Variants in BIVM observed in about 807,000 individuals in gnomAD.
The protein encoded by BIVM is basic immunoglobulin-like variable motif-containing protein.
BIVM carries 31 observed loss-of-function variants against 61.4 expected under a neutral mutation model. The ratio of observed to expected loss-of-function variants is 0.51; its 90% CI spans 0.38 to 0.68. The LOEUF is 0.68. Among genes scored for constraint, BIVM ranks in the 30% least tolerant of loss-of-function variants. The pLI, the probability that BIVM is intolerant of heterozygous loss-of-function variation, is 0.00. For missense variants in BIVM, 526 were observed against 596.0 expected (o/e 0.88, Z 1.22); for synonymous variants, 189 against 210.7 (o/e 0.90, Z 0.89).
chr13:102,809,277 T>C (rs1486707986), intron 3 of BIVM, among the ~76,000 whole-genome samples: 1 of 152,254 alleles, frequency 6.6e-6, no homozygotes, highest in East Asian at 1.9e-4. Context: ...ATACATGTAT[T>C]ACTTAGATGT....
At chr13:102,835,001 A>G (rs1431153960) in intron 9 of BIVM, among the ~76,000 whole-genome samples, 6 of 152,170 alleles carry the variant, frequency 3.9e-5, no homozygotes, top group Admixed American at 1.3e-4. Flanking sequence ...TCTCTTGTCA[A>G]TGAAGCTCTT....
At chr13:102,802,425 T>A (rs927741486) in intron 1 of BIVM, among the ~76,000 whole-genome samples, 1 of 152,166 alleles carries the variant, frequency 6.6e-6, no homozygotes, top group African/African-American at 2.4e-5. Context: ...ACACTAGCAG[T>A]GTTTGGGTCG....
intron 5 of BIVM, 94 bp from the exon 6 acceptor site, chr13:102,821,649 T>A: frequency 9.8e-7 from 1 of 1,021,330 alleles, no homozygotes; most frequent in Non-Finnish European, 1.4e-6. Flanking sequence ...CTAATATTAT[T>A]TGCAAATCAG....
chr13:102,799,126 G>T lies in BIVM; in HGVS notation c.-602G>T, dbSNP rs900093477. ...GGGCTCCCTGGGATATGTAGTTCGC[G>T]ACAGGACGAGCGGAAATACTGCCAG... is the stretch of plus-strand genomic sequence containing the variant. On this transcript the variant is annotated 5_prime_UTR_variant, in exon 1 of 11. Transcript: ENST00000257336. The T allele has an allele frequency of 7.8e-5, 31 of 396,358 alleles. No homozygotes were observed. The highest frequency in any genetic ancestry group is 1.2e-4 in the Non-Finnish European group (26 of 225,226). 24.6% of individuals were successfully genotyped at this position (396,358 alleles called of 1,614,324 possible).
At chr13:102,834,311 T>C (rs1402312823) in intron 8 of BIVM, among the ~76,000 whole-genome samples, 155 bp from the exon 9 acceptor site, 1 of 152,236 alleles carries the variant, frequency 6.6e-6, no homozygotes, top group Non-Finnish European at 1.5e-5. Flanking sequence ...TAATGGCCTG[T>C]AGAAATTTGC....
intron 7 of BIVM, among the ~76,000 whole-genome samples, chr13:102,823,091 A>G (rs1880409985): frequency 6.6e-6 from 1 of 152,288 alleles, no homozygotes; most frequent in East Asian, 1.9e-4. Flanking sequence ...ACTTGATTAG[A>G]TATTAAGGGT....
chr13:102,831,773 T>G, intron 8 of BIVM, 76 bp downstream of exon 8: 5 of 1,536,916 alleles, frequency 3.3e-6, no homozygotes, highest in Non-Finnish European at 1.8e-6. Context: ...CTCACGCCTG[T>G]AATCCTAGCA....
intron 3 of BIVM, among the ~76,000 whole-genome samples, chr13:102,811,975 T>G (rs1879528477): frequency 6.6e-6 from 1 of 152,206 alleles, no homozygotes; most frequent in Non-Finnish European, 1.5e-5. Context: ...TCCTACCCCT[T>G]TTTCAGTGTC....
At position 102,799,460 on chromosome 13, in the gene BIVM, C is replaced by G. The variant is rs1878591256; in HGVS notation, c.-268C>G. 1 of 152,296 alleles carries G rather than the reference C, an allele frequency of 6.6e-6. No homozygotes were observed. Among genetic ancestry groups the G allele is most frequent in the Non-Finnish European group, 1.5e-5 (1 of 68,098 alleles). 9.4% of individuals were successfully genotyped at this position (152,296 alleles called of 1,614,324 possible). On this transcript the variant is annotated 5_prime_UTR_variant, in exon 1 of 11. The change creates a new upstream start codon in the 5' untranslated region. Coordinates refer to ENST00000257336, the MANE Select transcript of BIVM (RefSeq NM_017693.4). ...CCGGCCGCGCGCTGGATGCTGTGATCCAGGTCCGGAGCCGGGTTCCGCCGC... is the reference window on the plus strand; with the variant it reads ...CCGGCCGCGCGCTGGATGCTGTGATGCAGGTCCGGAGCCGGGTTCCGCCGC...
intron 4 of BIVM, among the ~76,000 whole-genome samples, chr13:102,818,512 A>G (rs1595345818): frequency 6.6e-6 from 1 of 152,242 alleles, no homozygotes; most frequent in East Asian, 1.9e-4. Flanking sequence ...TTTGAAAAGA[A>G]GGTTTTGCTC....
chr13:102,830,439 C>A (rs989260991), intron 7 of BIVM, among the ~76,000 whole-genome samples: 1 of 152,142 alleles, frequency 6.6e-6, no homozygotes, highest in African/African-American at 2.4e-5. Flanking sequence ...CTAGGACATG[C>A]CAGTTAATGA....
rs1182820589 is a variant in BIVM, at chr13:102,807,524, C to A, written c.257C>A (p.Pro86Gln). The A allele has an allele frequency of 6.2e-7, 1 of 1,614,068 alleles. No homozygotes were observed. Among genetic ancestry groups the A allele is most frequent in the Non-Finnish European group, 8.5e-7 (1 of 1,180,034 alleles). The change falls in exon 3 of 11, where the codon CCA becomes CAA. Residue 86 changes from proline to glutamine, a missense_variant. By Grantham distance (76) the Pro-to-Gln change is moderately conservative. Coordinates refer to ENST00000257336, the MANE Select transcript of BIVM (RefSeq NM_017693.4). The surrounding 1 kb of genome is among the most constrained non-coding windows in gnomAD (Gnocchi z 4.0). Reference sequence around the variant, plus strand: ...CAGGCGACCTCAATCTATAAAACTCCAAATCCATCCCGCTCTCCTTGCCTC... The same window carrying A: ...CAGGCGACCTCAATCTATAAAACTCAAAATCCATCCCGCTCTCCTTGCCTC... ...LNQATSIYKT[P>Q]NPSRSPCLPD...
chr13:102,838,858 T>G, intron 10 of BIVM, 119 bp downstream of exon 10: 1 of 950,042 alleles, frequency 1.1e-6, no homozygotes, highest in Non-Finnish European at 1.5e-6. Flanking sequence ...GAGTGAAAAT[T>G]ATTTTAAGGA....
intron 1 of BIVM, among the ~76,000 whole-genome samples, chr13:102,799,930 C>A (rs1878631073): frequency 6.6e-6 from 1 of 152,180 alleles, no homozygotes; most frequent in African/African-American, 2.4e-5. Context: ...GGAACCAGCG[C>A]GCAGCGGCCG....
intron 9 of BIVM, among the ~76,000 whole-genome samples, chr13:102,836,483 T>G (rs1204286763): frequency 1.3e-5 from 2 of 152,176 alleles, no homozygotes; most frequent in Non-Finnish European, 2.9e-5. Flanking sequence ...CTACTAATTT[T>G]AAAACTTTTT....
intron 4 of BIVM, among the ~76,000 whole-genome samples, chr13:102,819,778 G>C (rs1264213838): frequency 6.6e-6 from 1 of 151,852 alleles, no homozygotes; most frequent in African/African-American, 2.4e-5. Context: ...ATATTGAAGG[G>C]TCATGGTTAA....
intron 4 of BIVM, among the ~76,000 whole-genome samples, chr13:102,817,756 G>A (rs958909253): frequency 6.6e-6 from 1 of 151,588 alleles, no homozygotes; most frequent in African/African-American, 2.4e-5. Flanking sequence ...GGGCTATTTG[G>A]TTATCTTAAA....
chr13:102,839,514 C>G (rs1231036668), intron 10 of BIVM, 58 bp from the exon 11 acceptor site: 2 of 1,581,284 alleles, frequency 1.3e-6, no homozygotes, highest in East Asian at 4.5e-5. Context: ...TAGGGACCTA[C>G]AAATTAGTAC....
chr13:102,828,746 G>A (rs1436447741), intron 7 of BIVM, among the ~76,000 whole-genome samples: 1 of 152,148 alleles, frequency 6.6e-6, no homozygotes, highest in Non-Finnish European at 1.5e-5. Flanking sequence ...GATGTCAGGG[G>A]AAGCTGGCAT....
Sources: gnomAD v4.1 joint callset for allele counts (sites outside exome capture counted in the v4.1 genomes callset) on GRCh38, gnomAD v4.1.1 for gene constraint, Gnocchi (gnomAD v3.1) non-coding constraint, MANE v1.5 for transcripts, NCBI Gene and HGNC (gene_info 2026-07-23, HGNC 2026-07-21) for gene names.